The following NBPF11 variants were observed in gnomAD, a reference collection of about 807,000 sequenced individuals.
NBPF11 encodes the protein NBPF member 11.
NBPF11 carries 72 observed loss-of-function variants against 93.9 expected under a neutral mutation model. The ratio of observed to expected loss-of-function variants is 0.77; its 90% confidence interval spans 0.63 to 0.93. The LOEUF is 0.93. Among genes scored for constraint, NBPF11 ranks in the 40% least tolerant of loss-of-function variants. The probability of loss-of-function intolerance (pLI) is 0.00; values close to 1 mark genes in which losing one functional copy is unlikely to be tolerated. For synonymous variants in NBPF11, 224 were observed against 304.9 expected, an observed-to-expected ratio of 0.73 and a Z score of 2.76; for missense variants, 705 against 802.2, an observed-to-expected ratio of 0.88 and a Z score of 1.46.
At chr1:148,135,900 C>T (rs1273366378) in intron 3 of NBPF11, 87 bp from the exon 4 acceptor site, 4 of 920,762 alleles carry the variant, frequency 4.3e-6, no homozygotes, top group East Asian at 2.7e-5. Context: ...ACCCTGTTCA[C>T]TTGAGTGCCC....
At chr1:148,118,068 T>A (rs1666984868) in intron 11 of NBPF11, among the ~76,000 whole-genome samples, 1 of 151,326 alleles carries the variant, frequency 6.6e-6, no homozygotes, top group Non-Finnish European at 1.5e-5. Context: ...CAAAAAGACA[T>A]CCTTTCAGTT....
chr1:148,146,564 G>A (rs2149306952), intron 1 of NBPF11: 10 of 1,606,134 alleles, frequency 6.2e-6, no homozygotes, highest in East Asian at 2.2e-5. Context: ...GGGACCCTGA[G>A]AGCCTCCTCG....
At chr1:148,122,896 G>C in intron 7 of NBPF11, 95 bp from the exon 8 acceptor site, 1 of 1,601,618 alleles carries the variant, frequency 6.2e-7, no homozygotes, top group Non-Finnish European at 8.5e-7. Flanking sequence ...ATCTATGTAT[G>C]GTTCAGCATT....
intron 1 of NBPF11, chr1:148,149,277 C>T (rs1369081663): frequency 3.1e-6 from 5 of 1,596,704 alleles, no homozygotes; most frequent in African/African-American, 1.3e-5. Context: ...TCGCCGCTCA[C>T]CTCGGGCATG....
chr1:148,119,682 G>C lies in NBPF11; in HGVS notation c.988+819C>G, dbSNP rs1667381423. ...TTATCATTATTATTTTTTTTTAACA[G>C]TCTTGCCCTGTCACCCAGGCTGGAG... On this transcript the variant is annotated intron_variant, in intron 10 of 23. Transcript: ENST00000682118. Among the ~76,000 whole-genome samples, 4 of 151,796 alleles carry C rather than the reference G, an allele frequency of 2.6e-5. No individual in the cohort carries two copies. The South Asian group carries it at 8.3e-4, about 32-fold the overall frequency.
Position 148,102,641 on chromosome 1 carries a change from T to C in NBPF11, c.*1255A>G, listed in dbSNP as rs1219666003. On this transcript the variant is annotated 3_prime_UTR_variant, in exon 24 of 24. Transcript: ENST00000682118. Reference sequence around the variant, plus strand: ...TTTTCAGACAACTTCAGAATGTAGATCATTGAGCCAGACAGCTGACCTGTC... The same window carrying C: ...TTTTCAGACAACTTCAGAATGTAGACCATTGAGCCAGACAGCTGACCTGTC... 4.6e-5 allele frequency: 7 copies of C among 150,798 alleles called. No individual in the cohort carries two copies. Among genetic ancestry groups the C allele is most frequent in the African/African-American group, 7.4e-5 (3 of 40,422 alleles). 9.3% of individuals were successfully genotyped at this position (150,798 alleles called of 1,614,324 possible). A position where few individuals can be genotyped will look rare whatever the true frequency, so the allele number is the denominator to read the frequency against.
chr1:148,116,755 T>C (rs3958235), intron 12 of NBPF11, among the ~76,000 whole-genome samples: 2,052 of 150,888 alleles, frequency 0.014, 25 homozygotes, highest in African/African-American at 0.042. Context: ...TGGCCAAATA[T>C]TGAAAAGACC....
intron 4 of NBPF11, among the ~76,000 whole-genome samples, chr1:148,132,144 GTATA>G (rs1302793020): frequency 1.4e-4 from 19 of 137,590 alleles, no homozygotes; most frequent in South Asian, 2.3e-4. Context: ...GTGTGTGTGT[GTATA>G]TATATATATA....
chr1:148,147,259 A>ACGTGTGGCTGGGAGCC (rs1553277075), intron 1 of NBPF11, among the ~76,000 whole-genome samples: 18 of 152,018 alleles, frequency 1.2e-4, no homozygotes, highest in African/African-American at 4.4e-4. Flanking sequence ...GGGTCTGTGC[A>ACGTGTGGCTGGGAGCC]CGTGTGGCTG....
chr1:148,126,771 G>A, intron 5 of NBPF11, 58 bp downstream of exon 5: 4 of 1,569,052 alleles, frequency 2.5e-6, no homozygotes, highest in Non-Finnish European at 3.5e-6. Flanking sequence ...TTTTGATGGA[G>A]AGAGCATTTA....
At chr1:148,146,618 A>C (rs1673142799) in intron 1 of NBPF11, 1 of 1,610,784 alleles carries the variant, frequency 6.2e-7, no homozygotes, top group South Asian at 1.1e-5. Context: ...GAGCGTGCCG[A>C]CTTCCAGTAC....
chr1:148,123,649 AG>A (rs1251086085), intron 7 of NBPF11, among the ~76,000 whole-genome samples: 1 of 151,920 alleles, frequency 6.6e-6, no homozygotes, highest in African/African-American at 2.4e-5. Flanking sequence ...CCATCAAGGA[AG>A]GAGGGACACT....
At chr1:148,136,405 G>A (rs1300417885) in intron 3 of NBPF11, among the ~76,000 whole-genome samples, 52 of 151,786 alleles carry the variant, frequency 3.4e-4, no homozygotes, top group African/African-American at 1.1e-3. Context: ...ACAAGAATGT[G>A]ATACATTCAT....
In NBPF11 at chr1:148,115,819, C is replaced by T; in HGVS notation, c.1559G>A (p.Trp520Ter). Residue 520 changes from tryptophan (W) to a stop codon, truncating the protein, a stop_gained, in exon 14 of 24, where the codon TGG becomes TAG. Transcript: ENST00000682118. LOFTEE classifies it high-confidence loss of function. ...TLIGSSSHVEWEDAVHIIPEN... is the reference protein window; with the variant it reads ...TLIGSSSHVE ...TGGGATAATGTGTACAGCATCCTCC[C>T]ATTCAACATGAGAGGATGAGCCAAT... 1.9e-6 allele frequency: 3 copies of T among 1,585,060 alleles called. No individual in the cohort carries two copies. Among genetic ancestry groups the T allele is most frequent in the South Asian group, 1.1e-5 (1 of 90,400 alleles).
chr1:148,140,618 A>G (rs1485746257), intron 2 of NBPF11, among the ~76,000 whole-genome samples: 10 of 152,042 alleles, frequency 6.6e-5, no homozygotes, highest in Non-Finnish European at 1.0e-4. Flanking sequence ...CACCTCATTA[A>G]TAAGATATAC....
intron 4 of NBPF11, among the ~76,000 whole-genome samples, chr1:148,132,214 TAC>T (rs781886385): frequency 0.042 from 3,186 of 75,868 alleles, 33 homozygotes; most frequent in Admixed American, 0.054. Context: ...TATATATATA[TAC>T]ACACACACAC....
chr1:148,127,198 A>G (rs1669314661), intron 4 of NBPF11, 160 bp from the exon 5 acceptor site: 12 of 308,336 alleles, frequency 3.9e-5, no homozygotes, highest in Non-Finnish European at 6.0e-5. Context: ...CCACAAAAAC[A>G]AGGTTCGAGG....
At position 148,118,203 on chromosome 1, in the gene NBPF11, A is replaced by T. The variant is rs1447686010; in HGVS notation, c.1091+417T>A. On this transcript the variant is annotated intron_variant, in intron 11 of 23. Transcript: ENST00000682118. ...TAGGGCGAATTGAAAAGACGAAAGA[A>T]GAAAAGAATGACAGGGTCGAGAAGG... 8.0e-5 allele frequency among the ~76,000 whole-genome samples: 12 copies of T among 150,096 alleles called. 1 individual carries two copies. The highest frequency in any genetic ancestry group is 5.9e-5 in the Non-Finnish European group (4 of 67,494).
chr1:148,116,647 T>A (rs1467294062), intron 12 of NBPF11, 112 bp from the exon 13 acceptor site: 2 of 593,490 alleles, frequency 3.4e-6, no homozygotes, highest in South Asian at 2.0e-5. Context: ...ACCGTTCAAC[T>A]GAAAACTCTC....
Sources: allele counts gnomAD v4.1 joint callset (sites outside exome capture counted in the v4.1 genomes callset), GRCh38; gene constraint gnomAD v4.1.1; transcripts MANE v1.5; gene names NCBI Gene and HGNC (gene_info 2026-07-23, HGNC 2026-07-21).